Variants in GALNT18 observed in about 807,000 individuals in gnomAD.
The protein encoded by GALNT18 is GalNAc-transferase 18.
A neutral mutation model predicts 69.5 loss-of-function variants in GALNT18; 44 were observed. The ratio of observed to expected loss-of-function variants is 0.63; its 90% CI spans 0.50 to 0.81. The LOEUF (loss-of-function observed/expected upper bound fraction) is 0.81, where lower values mean the gene tolerates loss of function less well. Among genes scored for constraint, GALNT18 ranks in the 40% least tolerant of loss-of-function variants. GALNT18 has a pLI of 0.00. For synonymous variants in GALNT18, 364 were observed against 318.2 expected, an observed-to-expected ratio of 1.14 and a Z score of -1.53; for missense variants, 715 against 810.0, an observed-to-expected ratio of 0.88 and a Z score of 1.42.
At chr11:11,431,740 G>A (rs1392684389) in intron 3 of GALNT18, among the ~76,000 whole-genome samples, 1 of 152,110 alleles carries the variant, frequency 6.6e-6, no homozygotes, top group Non-Finnish European at 1.5e-5. Context: ...GATTCACTAG[G>A]AAATTTATTA....
chr11:11,298,170 C>T (rs540388413), intron 9 of GALNT18, among the ~76,000 whole-genome samples: 3 of 152,314 alleles, frequency 2.0e-5, no homozygotes, highest in Admixed American at 6.5e-5. Flanking sequence ...CAGAGCCTGG[C>T]CTCTAGCCCT....
rs911710175 is a variant in GALNT18 at position 11,532,221 on chromosome 11, G to C, written c.236-83285C>G. Among the ~76,000 whole-genome samples, 4 of 152,166 alleles carry C rather than the reference G, an allele frequency of 2.6e-5. No individual in the cohort carries two copies. The East Asian group carries it at 7.7e-4, about 29-fold the overall frequency. ...AAGCAGGGAAGAGGAAGGGAGCGGA[G>C]AGGAGAGAGGAACAACAGGAAAAGA... On this transcript the variant is annotated intron_variant, in intron 1 of 10. Transcript: ENST00000227756.
intron 1 of GALNT18, among the ~76,000 whole-genome samples, chr11:11,506,875 C>G (rs1399900248): frequency 1.3e-5 from 2 of 152,192 alleles, no homozygotes; most frequent in African/African-American, 2.4e-5. Flanking sequence ...CCTGTCCTCT[C>G]TCAGATAATC....
At chr11:11,502,473 A>G (rs1348256201) in intron 1 of GALNT18, among the ~76,000 whole-genome samples, 2 of 152,370 alleles carry the variant, frequency 1.3e-5, no homozygotes, top group East Asian at 3.9e-4. Flanking sequence ...AAAGGAAAAC[A>G]GGTAGAGAGA....
chr11:11,343,337 G>A lies in GALNT18; in HGVS notation c.1093-2333C>T, dbSNP rs150043551. On this transcript the variant is annotated intron_variant, in intron 6 of 10. Transcript: ENST00000227756. ...TGCACTCCAGCCTAGGCAACAGAGT[G>A]AGACCCTGTCTCAAAAAATAAAAAA... Among the ~76,000 whole-genome samples the A allele has an allele frequency of 4.9e-3, 744 of 151,984 alleles. 6 individuals are homozygous for A. The highest frequency in any genetic ancestry group is 0.017 in the African/African-American group (711 of 41,422).
rs1850145869 is a variant in GALNT18 at position 11,338,176 on chromosome 11, C to T, written c.1278+2643G>A. Among the ~76,000 whole-genome samples, 2 of 151,886 alleles carry T rather than the reference C, an allele frequency of 1.3e-5. No individual in the cohort carries two copies. On this transcript the variant is annotated intron_variant, in intron 7 of 10. Coordinates refer to ENST00000227756, the MANE Select transcript of GALNT18 (RefSeq NM_198516.3). This position sits in a 1 kb window ranked among gnomAD's most constrained non-coding sequence, Gnocchi z 5.3. ...AGAGATGGGGTTTCACCATGTTGGC[C>T]AGGCTGTTCTTGAACTCCTGACCCC...
intron 10 of GALNT18, among the ~76,000 whole-genome samples, chr11:11,283,517 G>A (rs1354531266): frequency 6.6e-6 from 1 of 152,136 alleles, no homozygotes; most frequent in Non-Finnish European, 1.5e-5. Context: ...GTGCTGTGTT[G>A]GGCACAGAGC....
chr11:11,473,234 T>C (rs1383263663), intron 1 of GALNT18, among the ~76,000 whole-genome samples: 1 of 152,244 alleles, frequency 6.6e-6, no homozygotes, highest in African/African-American at 2.4e-5. Flanking sequence ...GTCACTTATT[T>C]GACTTCTTCA....
intron 1 of GALNT18, among the ~76,000 whole-genome samples, chr11:11,571,871 G>A (rs1858800846): frequency 6.6e-6 from 1 of 152,200 alleles, no homozygotes; most frequent in African/African-American, 2.4e-5. Context: ...GCTACAGACT[G>A]TGAAGGTGTT....
chr11:11,301,438 G>A (rs1399614259), intron 9 of GALNT18, among the ~76,000 whole-genome samples: 1 of 152,198 alleles, frequency 6.6e-6, no homozygotes, highest in Non-Finnish European at 1.5e-5. Flanking sequence ...GAGGGCCACA[G>A]TGCACTGATG....
At chr11:11,305,584 G>A (rs144432189) in intron 9 of GALNT18, among the ~76,000 whole-genome samples, 16 of 152,182 alleles carry the variant, frequency 1.1e-4, no homozygotes, top group Middle Eastern at 6.8e-3. Flanking sequence ...CACTACCCAC[G>A]AGCTATGTGA....
intron 9 of GALNT18, among the ~76,000 whole-genome samples, chr11:11,302,587 C>A (rs544356262): frequency 6.6e-6 from 1 of 152,190 alleles, no homozygotes; most frequent in Admixed American, 6.5e-5. Context: ...AGCAGAAACA[C>A]GCTGCCATGG....
chr11:11,450,829 G>T (rs377342663), intron 1 of GALNT18, among the ~76,000 whole-genome samples: 1 of 152,172 alleles, frequency 6.6e-6, no homozygotes, highest in Non-Finnish European at 1.5e-5. Flanking sequence ...AGAAAGTGAG[G>T]CATAGAGAGA....
chr11:11,498,737 T>G (rs1176763152), intron 1 of GALNT18, among the ~76,000 whole-genome samples: 1 of 151,990 alleles, frequency 6.6e-6, no homozygotes, highest in Admixed American at 6.6e-5. Context: ...AGGCAGAGGT[T>G]GCAATGAGCC....
chr11:11,327,274 A>G, intron 8 of GALNT18, 93 bp from the exon 9 acceptor site: 3 of 953,254 alleles, frequency 3.1e-6, no homozygotes, highest in Non-Finnish European at 5.0e-6. Flanking sequence ...CTGCTGAGAC[A>G]GATTTCATGT....
At chr11:11,284,109 T>G (rs768101427) in intron 10 of GALNT18, among the ~76,000 whole-genome samples, 13 of 152,188 alleles carry the variant, frequency 8.5e-5, no homozygotes, top group Non-Finnish European at 1.8e-4. Flanking sequence ...AGACAGAGCA[T>G]GCTGAGGCAC....
At chr11:11,334,334 A>C (rs900776782) in intron 7 of GALNT18, among the ~76,000 whole-genome samples, 3 of 152,092 alleles carry the variant, frequency 2.0e-5, no homozygotes, top group African/African-American at 7.2e-5. Flanking sequence ...CAAGGTCAGG[A>C]GTTTGAGACC....
At chr11:11,280,193 C>A (rs755756350) in intron 10 of GALNT18, among the ~76,000 whole-genome samples, 1 of 152,130 alleles carries the variant, frequency 6.6e-6, no homozygotes, top group African/African-American at 2.4e-5. Flanking sequence ...GCACAGAGAC[C>A]AAAGAATAAA....
At position 11,419,596 on chromosome 11, in the gene GALNT18, CAAAAAAAAAAAAA is replaced by C. The variant is rs58012512; in HGVS notation, c.595+13012_595+13024del. 1.1e-4 allele frequency among the ~76,000 whole-genome samples: 3 copies of C among 26,618 alleles called. No homozygotes were observed. The East Asian group carries it at 2.7e-3, about 24-fold the overall frequency. 17.5% of individuals were successfully genotyped at this position (26,618 alleles called of 152,430 possible). On this transcript the variant is annotated intron_variant, in intron 3 of 10. Coordinates refer to ENST00000227756, the MANE Select transcript of GALNT18 (RefSeq NM_198516.3). ...TGGGCAACAAAGCAAGATCCTGTCT[CAAAAAAAAAAAAA>C]AAAAAAAAAAAAAGAAAGAAGGAAA...
Sources: allele counts gnomAD v4.1 joint callset (sites outside exome capture counted in the v4.1 genomes callset), GRCh38; gene constraint gnomAD v4.1.1; non-coding constraint Gnocchi (gnomAD v3.1); transcripts MANE v1.5; gene names NCBI Gene and HGNC (gene_info 2026-07-23, HGNC 2026-07-21).